The following TIAM1 variants were observed in gnomAD, a reference collection of about 807,000 sequenced individuals.
TIAM1 encodes rho guanine nucleotide exchange factor TIAM1.
TIAM1 carries 65 observed loss-of-function variants against 163.5 expected under a neutral mutation model. The ratio of observed to expected loss-of-function variants is 0.40; its 90% confidence interval spans 0.33 to 0.49. TIAM1 has a LOEUF of 0.49. Ranked by LOEUF, TIAM1 falls within the 20% of genes least tolerant of loss-of-function variation. The probability of loss-of-function intolerance (pLI) is 0.77; values close to 1 mark genes in which losing one functional copy is unlikely to be tolerated. For synonymous variants in TIAM1, 833 were observed against 810.1 expected, an observed-to-expected ratio of 1.03 and a Z score of -0.48; for missense variants, 1,789 against 2,044.7, an observed-to-expected ratio of 0.87 and a Z score of 2.41.
At position 31,153,249 on chromosome 21, in the gene TIAM1, A is replaced by G. The variant is rs540155850; in HGVS notation, c.3172-115T>C. 4.7e-6 allele frequency: 4 copies of G among 844,162 alleles called. No individual in the cohort carries two copies. The South Asian group carries it at 1.1e-4, about 22-fold the overall frequency. 52.3% of individuals were successfully genotyped at this position (844,162 alleles called of 1,614,324 possible). On this transcript the variant is annotated intron_variant, in intron 17 of 27. Transcript: ENST00000541036. ...TAAAAGGATCTAGAAGAGAACAAAC[A>G]GATCCTGTCCCGAAGGCTAACGTTA...
At chr21:31,265,297 A>T (rs1357013267) in intron 4 of TIAM1, among the ~76,000 whole-genome samples, 1 of 143,392 alleles carries the variant, frequency 7.0e-6, no homozygotes, top group African/African-American at 2.6e-5. Flanking sequence ...TTCGTGCACT[A>T]GACCCCGAAG....
At chr21:31,370,986 C>T (rs1360034312) in intron 2 of TIAM1, among the ~76,000 whole-genome samples, 2 of 152,138 alleles carry the variant, frequency 1.3e-5, no homozygotes, top group Admixed American at 6.5e-5. Context: ...CCCAGTGTCC[C>T]AGGCTTTTCA....
At chr21:31,296,241 T>C (rs763717793) in intron 2 of TIAM1, among the ~76,000 whole-genome samples, 6 of 152,178 alleles carry the variant, frequency 3.9e-5, no homozygotes, top group Non-Finnish European at 7.3e-5. Flanking sequence ...ATAAGGAGTA[T>C]TTGGATATAC....
intron 6 of TIAM1, among the ~76,000 whole-genome samples, chr21:31,232,674 G>A (rs978564957): frequency 6.6e-6 from 1 of 152,110 alleles, no homozygotes; most frequent in Non-Finnish European, 1.5e-5. Context: ...GCCATCCGAA[G>A]CCACTAACCT....
intron 2 of TIAM1, among the ~76,000 whole-genome samples, chr21:31,313,004 A>ACC (rs1276449080): frequency 6.6e-6 from 1 of 152,130 alleles, no homozygotes; most frequent in East Asian, 1.9e-4. Context: ...ATCACACACA[A>ACC]CCCTTAAATT....
At chr21:31,245,404 G>T in intron 6 of TIAM1, 84 bp downstream of exon 6, 6 of 986,222 alleles carry the variant, frequency 6.1e-6, no homozygotes, top group Non-Finnish European at 6.8e-6. Flanking sequence ...AAAAGCAGTG[G>T]AGGGAGACTG....
intron 2 of TIAM1, among the ~76,000 whole-genome samples, chr21:31,405,240 C>T (rs1325648019): frequency 6.6e-6 from 1 of 152,150 alleles, no homozygotes; most frequent in Non-Finnish European, 1.5e-5. Flanking sequence ...AGGGCAAGAC[C>T]GTGTCTCAAA....
intron 6 of TIAM1, among the ~76,000 whole-genome samples, chr21:31,226,361 C>T (rs1351462885): frequency 6.6e-6 from 1 of 152,188 alleles, no homozygotes; most frequent in Non-Finnish European, 1.5e-5. Context: ...TAGGAAGCTA[C>T]AACAGCCCTG....
rs201390430 is a variant in TIAM1, at chr21:31,322,034, AAAAC to A, written c.-189+17205_-189+17208del. ...TGCCACCTGCATGAGACTCCATATC[AAAAC>A]AAACAAACAAACAAAAAAACAAAAA... On this transcript the variant is annotated intron_variant, in intron 2 of 27. Coordinates refer to ENST00000541036, the MANE Select transcript of TIAM1 (RefSeq NM_001353694.2). 2.2e-3 allele frequency among the ~76,000 whole-genome samples: 342 copies of A among 152,270 alleles called. 1 individual carries two copies. Among genetic ancestry groups the A allele is most frequent in the African/African-American group, 7.4e-3 (309 of 41,566 alleles).
intron 8 of TIAM1, among the ~76,000 whole-genome samples, chr21:31,219,390 A>G (rs2087417396): frequency 6.6e-6 from 1 of 152,154 alleles, no homozygotes; most frequent in South Asian, 2.1e-4. Context: ...CCAGAGGTGA[A>G]TGTCTTGGAA....
intron 1 of TIAM1, among the ~76,000 whole-genome samples, chr21:31,556,365 C>T (rs150192550): frequency 6.2e-4 from 95 of 152,298 alleles, no homozygotes; most frequent in African/African-American, 2.3e-3. Context: ...ACGGAAGAGA[C>T]AGAGCGCAAT....
chr21:31,210,626 A>G (rs1601559747), intron 10 of TIAM1, among the ~76,000 whole-genome samples: 3 of 15,794 alleles, frequency 1.9e-4, no homozygotes, highest in Admixed American at 5.3e-4. Flanking sequence ...AGAAAGAAAG[A>G]AAGAAAGAAA....
chr21:31,193,016 G>A (rs961510359), intron 13 of TIAM1, among the ~76,000 whole-genome samples: 2 of 152,176 alleles, frequency 1.3e-5, no homozygotes, highest in African/African-American at 4.8e-5. Flanking sequence ...CGCCACTCCT[G>A]ACTGATACAG....
intron 2 of TIAM1, among the ~76,000 whole-genome samples, chr21:31,423,013 A>AG (rs1467396342): frequency 3.9e-3 from 3 of 768 alleles, no homozygotes; most frequent in African/African-American, 9.8e-3. Flanking sequence ...TATCACTGTC[A>AG]CACAGAGTCA....
Position 31,341,662 on chromosome 21 carries a change from G to T in TIAM1, c.-368-2240C>A, listed in dbSNP as rs1381178690. Among the ~76,000 whole-genome samples, 4 of 151,776 alleles carry T rather than the reference G, an allele frequency of 2.6e-5. No individual in the cohort carries two copies. In the East Asian group the frequency reaches 7.7e-4, roughly 29 times the overall value. On this transcript the variant is annotated intron_variant, in intron 1 of 27. Coordinates refer to ENST00000541036, the MANE Select transcript of TIAM1 (RefSeq NM_001353694.2). ...AACAATTTGGTCCACTGTGTGTGGT[G>T]TTCACAAACAGAAAGTATATTTTAA...
chr21:31,471,157 CAA>C (rs2045726628), intron 1 of TIAM1, among the ~76,000 whole-genome samples: 1 of 152,202 alleles, frequency 6.6e-6, no homozygotes, highest in Non-Finnish European at 1.5e-5. Context: ...ACTCAGGAGA[CAA>C]GAGAACAGCA....
At chr21:31,210,643 A>AGGG (rs769313578) in intron 10 of TIAM1, among the ~76,000 whole-genome samples, 403 of 24,042 alleles carry the variant, frequency 0.017, 4 homozygotes, top group South Asian at 0.023. Flanking sequence ...GAAAGAAAGA[A>AGGG]AGAAAGAAAG....
chr21:31,220,105 T>C (rs1241149002), intron 8 of TIAM1, among the ~76,000 whole-genome samples: 1 of 152,234 alleles, frequency 6.6e-6, no homozygotes, highest in East Asian at 1.9e-4. Context: ...ATCCAGTCAT[T>C]AACAGTGACA....
At chr21:31,493,565 T>C (rs1242370120) in intron 1 of TIAM1, among the ~76,000 whole-genome samples, 1 of 152,168 alleles carries the variant, frequency 6.6e-6, no homozygotes, top group Non-Finnish European at 1.5e-5. Flanking sequence ...CAAGATAAGC[T>C]GGAGTGCAGG....
Sources: gnomAD v4.1 joint callset for allele counts (sites outside exome capture counted in the v4.1 genomes callset) on GRCh38, gnomAD v4.1.1 for gene constraint, MANE v1.5 for transcripts, NCBI Gene and HGNC (gene_info 2026-07-23, HGNC 2026-07-21) for gene names.